CCDC138: variants seen among roughly 807,000 people sequenced by gnomAD.
CCDC138 encodes coiled-coil domain containing 138, also known as coiled-coil domain-containing protein 138.
Under a neutral mutation model 82.3 loss-of-function variants are expected in CCDC138, and 66 were observed. That is an observed-to-expected ratio of 0.80 (90% CI 0.66 to 0.98). CCDC138 has a LOEUF of 0.98. Among genes scored for constraint, CCDC138 ranks in the 50% least tolerant of loss-of-function variants. CCDC138 has a pLI of 0.00. For synonymous variants in CCDC138, 297 were observed against 265.4 expected (o/e 1.12, Z -1.16); for missense variants, 816 against 758.9 (o/e 1.08, Z -0.88).
intron 3 of CCDC138, among the ~76,000 whole-genome samples, chr2:108,790,306 G>C (rs1269276241): frequency 6.6e-6 from 1 of 152,050 alleles, no homozygotes; most frequent in African/African-American, 2.4e-5. Context: ...TTTTAACTGA[G>C]TTTTATCATT....
chr2:108,807,776 C>A (rs571617357), intron 7 of CCDC138, among the ~76,000 whole-genome samples: 2 of 152,276 alleles, frequency 1.3e-5, no homozygotes, highest in African/African-American at 4.8e-5. Context: ...CACCACCACA[C>A]CTGGCTAATT....
chr2:108,814,300 G>T (rs996225261), intron 9 of CCDC138, among the ~76,000 whole-genome samples: 6 of 152,010 alleles, frequency 3.9e-5, no homozygotes, highest in African/African-American at 1.4e-4. Flanking sequence ...TCTTCATTTT[G>T]ACCCTTCCAG....
chr2:108,838,443 C>G (rs1688934774), intron 10 of CCDC138, among the ~76,000 whole-genome samples: 1 of 152,062 alleles, frequency 6.6e-6, no homozygotes, highest in Non-Finnish European at 1.5e-5. Context: ...CCAGGTTTTA[C>G]TCTTATAAAC....
In CCDC138 at chr2:108,856,003, G is replaced by C. The variant is rs138779834; in HGVS notation, c.1517-791G>C. On this transcript the variant is annotated intron_variant, in intron 12 of 14. Transcript: ENST00000295124. ...GAGAGTTTTAGAAAACTTGATTATTGTACATTAAAAGCACAAGGTAAGACT... is the reference window on the plus strand; with the variant it reads ...GAGAGTTTTAGAAAACTTGATTATTCTACATTAAAAGCACAAGGTAAGACT... Among the ~76,000 whole-genome samples the C allele has an allele frequency of 2.6e-4, 39 of 152,114 alleles. No individual in the cohort carries two copies. The Middle Eastern group carries it at 0.014, about 53-fold the overall frequency.
At chr2:108,794,431 T>C in intron 4 of CCDC138, 109 bp from the exon 5 acceptor site, 8 of 1,033,606 alleles carry the variant, frequency 7.7e-6, no homozygotes, top group African/African-American at 1.6e-5. Flanking sequence ...CTTGAAACTT[T>C]TTAATGTTAT....
At chr2:108,849,816 A>G (rs1330942523) in intron 12 of CCDC138, among the ~76,000 whole-genome samples, 1 of 152,152 alleles carries the variant, frequency 6.6e-6, no homozygotes, top group Non-Finnish European at 1.5e-5. Context: ...TTCATCTACT[A>G]CCTGGGGCCA....
At chr2:108,869,068 T>C (rs1558764315) in intron 13 of CCDC138, among the ~76,000 whole-genome samples, 1 of 152,082 alleles carries the variant, frequency 6.6e-6, no homozygotes, top group South Asian at 2.1e-4. Context: ...TTTCATAATA[T>C]TGTACATGCT....
intron 10 of CCDC138, among the ~76,000 whole-genome samples, chr2:108,822,392 A>C (rs1308125904): frequency 1.3e-5 from 2 of 152,168 alleles, no homozygotes; most frequent in African/African-American, 4.8e-5. Flanking sequence ...CAGATAGAAT[A>C]ACTAGACAGA....
At chr2:108,796,492 A>G (rs1057332394) in intron 5 of CCDC138, among the ~76,000 whole-genome samples, 2 of 152,216 alleles carry the variant, frequency 1.3e-5, no homozygotes, top group Non-Finnish European at 1.5e-5. Flanking sequence ...ATATCCCCGA[A>G]AAAAGAAAAC....
intron 12 of CCDC138, among the ~76,000 whole-genome samples, chr2:108,847,782 G>A (rs1690737848): frequency 6.6e-6 from 1 of 152,028 alleles, no homozygotes; most frequent in South Asian, 2.1e-4. Flanking sequence ...TTCTTTCTTT[G>A]AAGTATGTTT....
At chr2:108,828,549 A>G (rs1308798517) in intron 10 of CCDC138, among the ~76,000 whole-genome samples, 2 of 152,230 alleles carry the variant, frequency 1.3e-5, no homozygotes, top group Non-Finnish European at 2.9e-5. Flanking sequence ...AAGCCCTCAC[A>G]TATAGTCCAA....
chr2:108,812,529 TGG>T, intron 7 of CCDC138, 100 bp from the exon 8 acceptor site: 1 of 795,910 alleles, frequency 1.3e-6, no homozygotes, highest in Non-Finnish European at 2.1e-6. Context: ...TTTGTTACAT[TGG>T]TTAGTAATAT....
At chr2:108,801,973 G>A (rs1681990749) in intron 6 of CCDC138, among the ~76,000 whole-genome samples, 10 of 92,216 alleles carry the variant, frequency 1.1e-4, no homozygotes, top group African/African-American at 3.4e-4. Context: ...GCTCTGTTCT[G>A]TTCCATTGAT....
At chr2:108,799,394 A>G (rs1422570945) in intron 6 of CCDC138, among the ~76,000 whole-genome samples, 1 of 152,190 alleles carries the variant, frequency 6.6e-6, no homozygotes, top group East Asian at 1.9e-4. Flanking sequence ...AATCACAACC[A>G]TCAACAAGAT....
At chr2:108,825,491 G>A (rs1451803633) in intron 10 of CCDC138, among the ~76,000 whole-genome samples, 1 of 151,596 alleles carries the variant, frequency 6.6e-6, no homozygotes. Context: ...TCCAGTCCTA[G>A]GCAACCACTA....
intron 9 of CCDC138, among the ~76,000 whole-genome samples, chr2:108,814,380 A>G (rs1477242136): frequency 6.6e-6 from 1 of 152,112 alleles, no homozygotes; most frequent in African/African-American, 2.4e-5. Flanking sequence ...CTAGTTCTTT[A>G]TAAATTGAGA....
At chr2:108,878,107 A>G (rs1696156764), downstream of CCDC138, among the ~76,000 whole-genome samples, 1 of 152,236 alleles carries the variant, frequency 6.6e-6, no homozygotes, top group South Asian at 2.1e-4. Flanking sequence ...CAACTAAGAG[A>G]TGAAAGAAAA....
In CCDC138 at chr2:108,815,973, A is replaced by G; in HGVS notation, c.1074A>G (p.Leu358=). Residue 358 remains leucine (L), a synonymous_variant, in exon 10 of 15, where the codon TTA becomes TTG. Coordinates refer to ENST00000295124, the MANE Select transcript of CCDC138 (RefSeq NM_144978.3). ...TTAATGGGCAAGTTTATGAACTTTTAACTGTCTTCATGGACTGGATTTCGG... is the reference window on the plus strand; with the variant it reads ...TTAATGGGCAAGTTTATGAACTTTTGACTGTCTTCATGGACTGGATTTCGG... ...VPLNGQVYEL[L]TVFMDWISDH... The G allele has an allele frequency of 6.2e-7, 1 of 1,612,902 alleles. No individual in the cohort carries two copies. Among genetic ancestry groups the G allele is most frequent in the Non-Finnish European group, 8.5e-7 (1 of 1,179,356 alleles).
chr2:108,881,727 G>A (rs1696296576), intron 1 of CCDC138, among the ~76,000 whole-genome samples: 1 of 152,224 alleles, frequency 6.6e-6, no homozygotes, highest in African/African-American at 2.4e-5. Flanking sequence ...GAGATCCAAG[G>A]AGAGGGAGAG....
Sources: gnomAD v4.1 joint callset for allele counts (sites outside exome capture counted in the v4.1 genomes callset) on GRCh38, gnomAD v4.1.1 for gene constraint, MANE v1.5 for transcripts, NCBI Gene and HGNC (gene_info 2026-07-23, HGNC 2026-07-21) for gene names.